The following BICD1 variants were observed in gnomAD, a reference collection of about 807,000 sequenced individuals.
BICD1 encodes protein bicaudal D homolog 1.
A neutral mutation model predicts 92.5 loss-of-function variants in BICD1; 35 were observed. The ratio of observed to expected loss-of-function variants is 0.38; its 90% CI spans 0.29 to 0.50. The LOEUF (loss-of-function observed/expected upper bound fraction) is 0.50. BICD1 is among the 20% of genes least tolerant of loss of function. BICD1 has a pLI of 0.93. For synonymous variants in BICD1, 429 were observed against 465.1 expected (o/e 0.92, Z 1.00); for missense variants, 950 against 1,189.8 (o/e 0.80, Z 2.97).
intron 5 of BICD1, among the ~76,000 whole-genome samples, chr12:32,329,127 C>G (rs1002509755): frequency 6.6e-6 from 1 of 151,984 alleles, no homozygotes. Flanking sequence ...TGTTTTGAGA[C>G]AGAGTCTCGC....
At chr12:32,322,007 A>T (rs986007495) in intron 4 of BICD1, among the ~76,000 whole-genome samples, 2 of 152,220 alleles carry the variant, frequency 1.3e-5, no homozygotes, top group African/African-American at 4.8e-5. Context: ...TCAAAAAAAT[A>T]AAATAAATAA....
Position 32,164,496 on chromosome 12 carries a change from T to A in BICD1, c.214-51751T>A, listed in dbSNP as rs1467888696. ...TGTCTCTTTCTCTTTTTTATTGGCGTCAAACTACTCAGTATTTTAGACTGC... is the reference window on the plus strand; with the variant it reads ...TGTCTCTTTCTCTTTTTTATTGGCGACAAACTACTCAGTATTTTAGACTGC... On this transcript the variant is annotated intron_variant, in intron 1 of 9. Coordinates refer to ENST00000652176, the MANE Select transcript of BICD1 (RefSeq NM_001714.4). 5.3e-5 allele frequency among the ~76,000 whole-genome samples: 8 copies of A among 152,312 alleles called. No homozygotes were observed. The East Asian group carries it at 1.5e-3, about 29-fold the overall frequency.
At position 32,243,264 on chromosome 12, in the gene BICD1, A is replaced by ATTTTTTTTTTTTTTTTTTTTTTTTTT. The variant is rs71068310; in HGVS notation, c.426+26826_426+26827insTTTTTTTTTTTTTTTTTTTTTTTTTT. 2.0e-4 allele frequency among the ~76,000 whole-genome samples: 15 copies of ATTTTTTTTTTTTTTTTTTTTTTTTTT among 74,028 alleles called. 2 individuals are homozygous for ATTTTTTTTTTTTTTTTTTTTTTTTTT. The highest frequency in any genetic ancestry group is 2.5e-4 in the African/African-American group (4 of 16,244). The allele number at this position is 74,028 out of a possible 152,430, so 48.6% of individuals were successfully genotyped here. ...AGGCACGCCCCACCATGCCTGGCTA[A>ATTTTTTTTTTTTTTTTTTTTTTTTTT]TTTTTTTTTTTTTTTTTTTTTGTAT... On this transcript the variant is annotated intron_variant, in intron 2 of 9. Transcript: ENST00000652176.
chr12:32,215,777 G>A (rs192815797), intron 1 of BICD1, among the ~76,000 whole-genome samples: 5 of 136,282 alleles, frequency 3.7e-5, no homozygotes, highest in East Asian at 4.5e-4. Context: ...GTGAAACCCC[G>A]TCTCTACTAA....
At chr12:32,326,467 T>C (rs1948780052) in intron 4 of BICD1, among the ~76,000 whole-genome samples, 1 of 152,264 alleles carries the variant, frequency 6.6e-6, no homozygotes, top group African/African-American at 2.4e-5. Context: ...AATACTTACA[T>C]ATCACATTAT....
chr12:32,117,139 GTCT>G (rs2121191479), intron 1 of BICD1, among the ~76,000 whole-genome samples: 1 of 152,262 alleles, frequency 6.6e-6, no homozygotes, highest in South Asian at 2.1e-4. Context: ...GAATGAGGCA[GTCT>G]TCTTAGGAAG....
intron 1 of BICD1, among the ~76,000 whole-genome samples, chr12:32,154,267 T>A (rs1943374195): frequency 6.6e-6 from 1 of 152,164 alleles, no homozygotes; most frequent in South Asian, 2.1e-4. Flanking sequence ...CCGTAGACTC[T>A]CTGGAGTGAC....
intron 1 of BICD1, among the ~76,000 whole-genome samples, chr12:32,198,344 A>ATATATATATATATATATATATATG (rs1179586071): frequency 1.2e-4 from 17 of 140,376 alleles, no homozygotes; most frequent in Non-Finnish European, 1.5e-4. Flanking sequence ...ATATATATAT[A>ATATATATATATATATATATATATG]TATATATATT....
intron 2 of BICD1, among the ~76,000 whole-genome samples, chr12:32,279,593 C>A (rs1947363504): frequency 3.9e-5 from 6 of 152,130 alleles, no homozygotes; most frequent in South Asian, 2.1e-4. Context: ...CCATTTATTT[C>A]AACTGTTTAA....
At chr12:32,152,426 A>G (rs1267098120) in intron 1 of BICD1, among the ~76,000 whole-genome samples, 2 of 151,822 alleles carry the variant, frequency 1.3e-5, no homozygotes, top group Non-Finnish European at 2.9e-5. Context: ...TTTTCTTGCC[A>G]TGATGCTGAG....
intron 2 of BICD1, among the ~76,000 whole-genome samples, chr12:32,246,310 GAAAA>G (rs398055471): frequency 9.8e-6 from 1 of 102,000 alleles, no homozygotes; most frequent in Non-Finnish European, 1.9e-5. Context: ...AACCCATCAG[GAAAA>G]AAAAAAAAAA....
At chr12:32,115,563 C>T (rs752219156) in intron 1 of BICD1, among the ~76,000 whole-genome samples, 3 of 151,778 alleles carry the variant, frequency 2.0e-5, no homozygotes, top group East Asian at 1.9e-4. Context: ...GAAGAAAACC[C>T]GAGAAGCTCA....
At chr12:32,215,675 C>T (rs772370210) in intron 1 of BICD1, among the ~76,000 whole-genome samples, 2 of 151,860 alleles carry the variant, frequency 1.3e-5, no homozygotes, top group Admixed American at 6.6e-5. Context: ...ATATGCCAGG[C>T]GCGGTGGCTT....
chr12:32,338,973 C>T lies in BICD1; in HGVS notation c.2758C>T (p.Pro920Ser). ...CAAGGAAAAAAGGTTAACCGTGGCT[C>T]CACCAGGTAAACATTTTTTCCTTGG... is the stretch of plus-strand genomic sequence containing the variant. Reference protein sequence around the residue: ...LSKEKRLTVAPPDCQQPAASV... With the variant: ...LSKEKRLTVASPDCQQPAASV... The change falls in exon 8 of 10, where the codon CCA becomes TCA. Residue 920 changes from proline (P) to serine (S), a missense_variant. Physicochemically the swap from Pro to Ser is moderately conservative, Grantham distance 74. Transcript: ENST00000652176. 6.3e-7 allele frequency: 1 copy of T among 1,589,870 alleles called. No homozygotes were observed.
chr12:32,253,378 A>G (rs1303272237), intron 2 of BICD1, among the ~76,000 whole-genome samples: 1 of 152,128 alleles, frequency 6.6e-6, no homozygotes, highest in African/African-American at 2.4e-5. Flanking sequence ...TCATCGTTTG[A>G]CTTTAATGCC....
Position 32,233,340 on chromosome 12 carries a change from A to AT in BICD1, c.426+16881_426+16882insT, listed in dbSNP as rs397823912. On this transcript the variant is annotated intron_variant, in intron 2 of 9. Transcript: ENST00000652176. ...CTGTCTTTAAAAAAAAAAAAAAAAA[A>AT]GTAGGCTTACACATATTCCCTTTAC... 6.0e-3 allele frequency among the ~76,000 whole-genome samples: 824 copies of AT among 137,504 alleles called. 11 individuals carry two copies. Among genetic ancestry groups the AT allele is most frequent in the African/African-American group, 0.019 (769 of 39,840 alleles). 90.2% of individuals were successfully genotyped at this position (137,504 alleles called of 152,430 possible). A position where few individuals can be genotyped will look rare whatever the true frequency, so the allele number is the denominator to read the frequency against.
chr12:32,243,507 C>T (rs1946294341), intron 2 of BICD1, among the ~76,000 whole-genome samples: 1 of 151,874 alleles, frequency 6.6e-6, no homozygotes, highest in Admixed American at 6.6e-5. Context: ...TGGTAGAAGA[C>T]TTTTTAAATT....
chr12:32,245,187 T>C (rs908227241), intron 2 of BICD1, among the ~76,000 whole-genome samples: 13 of 152,102 alleles, frequency 8.5e-5, no homozygotes, highest in Middle Eastern at 3.2e-3. Flanking sequence ...TAGAATTATA[T>C]AACTCTATGT....
intron 1 of BICD1, among the ~76,000 whole-genome samples, chr12:32,167,453 A>G (rs905417199): frequency 2.6e-5 from 4 of 151,756 alleles, no homozygotes; most frequent in African/African-American, 9.7e-5. Context: ...GCTGAGAATC[A>G]TTCTTTTTTT....
Sources: gnomAD v4.1 joint callset for allele counts (sites outside exome capture counted in the v4.1 genomes callset) on GRCh38, gnomAD v4.1.1 for gene constraint, MANE v1.5 for transcripts, NCBI Gene and HGNC (gene_info 2026-07-23, HGNC 2026-07-21) for gene names.